Variants in EYS observed in about 807,000 individuals in gnomAD.
The protein encoded by EYS is protein eyes shut homolog.
Under a neutral mutation model 282.1 loss-of-function variants are expected in EYS, and 250 were observed. The observed-to-expected ratio is 0.89, with a 90% CI of 0.80 to 0.98. EYS has a LOEUF of 0.98. Among genes scored for constraint, EYS ranks in the 50% least tolerant of loss-of-function variants. EYS has a pLI of 0.00. For missense variants in EYS, 4,016 were observed against 3,709.0 expected (o/e 1.08, Z -2.15); for synonymous variants, 1,355 against 1,282.9 (o/e 1.06, Z -1.20).
At chr6:65,111,329 TTAAG>T (rs1775206755) in intron 12 of EYS, among the ~76,000 whole-genome samples, 1 of 152,190 alleles carries the variant, frequency 6.6e-6, no homozygotes. Flanking sequence ...CCTTAATTCT[TTAAG>T]TGTTTCTTAA....
chr6:64,966,670 G>T (rs181883164), intron 14 of EYS, among the ~76,000 whole-genome samples: 1 of 152,226 alleles, frequency 6.6e-6, no homozygotes, highest in East Asian at 1.9e-4. Flanking sequence ...AAAGACAACA[G>T]TGTAACATGG....
At chr6:64,045,436 T>A (rs866052650) in intron 33 of EYS, among the ~76,000 whole-genome samples, 31 of 130,944 alleles carry the variant, frequency 2.4e-4, no homozygotes, top group African/African-American at 8.2e-4. Context: ...TATTTTATTT[T>A]ATTTATTTTA....
intron 31 of EYS, among the ~76,000 whole-genome samples, chr6:64,100,310 C>T (rs113262838): frequency 0.029 from 4,469 of 152,102 alleles, 233 homozygotes; most frequent in African/African-American, 0.1. Context: ...TTTAATTCAC[C>T]TTTTAAAATT....
At chr6:64,882,163 T>A (rs1438754108) in intron 19 of EYS, among the ~76,000 whole-genome samples, 1 of 151,648 alleles carries the variant, frequency 6.6e-6, no homozygotes, top group South Asian at 2.1e-4. Context: ...AGTACCCAAA[T>A]ACCAGGGACA....
intron 35 of EYS, among the ~76,000 whole-genome samples, chr6:63,887,739 CA>C (rs1773301146): frequency 6.6e-6 from 1 of 150,554 alleles, no homozygotes; most frequent in African/African-American, 2.4e-5. Flanking sequence ...GCCGTTTGGG[CA>C]GCCACTGAGC....
chr6:64,730,593 C>T (rs1208257438), intron 22 of EYS, among the ~76,000 whole-genome samples: 2 of 152,152 alleles, frequency 1.3e-5, no homozygotes, highest in East Asian at 3.9e-4. Flanking sequence ...ATTCTCCTGC[C>T]TCAGCCTCCG....
intron 26 of EYS, among the ~76,000 whole-genome samples, chr6:64,469,271 T>C (rs1317867811): frequency 6.6e-6 from 1 of 152,212 alleles, no homozygotes; most frequent in South Asian, 2.1e-4. Flanking sequence ...ATAATAAAAC[T>C]AGGATGTGGG....
At chr6:65,455,999 GAAAA>G (rs1290775591) in intron 5 of EYS, among the ~76,000 whole-genome samples, 1 of 134,290 alleles carries the variant, frequency 7.4e-6, no homozygotes, top group Admixed American at 8.0e-5. Context: ...GAGAGAGAAA[GAAAA>G]AGAAAGAAAG....
intron 30 of EYS, among the ~76,000 whole-genome samples, chr6:64,252,915 T>C (rs1767269177): frequency 6.6e-6 from 1 of 152,148 alleles, no homozygotes; most frequent in South Asian, 2.1e-4. Flanking sequence ...CACTCCTCAT[T>C]GTATTCTGTG....
intron 26 of EYS, among the ~76,000 whole-genome samples, chr6:64,568,875 A>T (rs1053673279): frequency 9.2e-5 from 14 of 152,146 alleles, no homozygotes; most frequent in African/African-American, 3.4e-4. Flanking sequence ...TCCAGCAGAC[A>T]TGCAGCAGAG....
intron 2 of EYS, among the ~76,000 whole-genome samples, chr6:65,506,954 A>G (rs1247836586): frequency 6.6e-6 from 1 of 152,156 alleles, no homozygotes; most frequent in Non-Finnish European, 1.5e-5. Flanking sequence ...GGTTATCATT[A>G]TTACTTTGAA....
At chr6:64,291,808 T>A (rs1258932106) in intron 30 of EYS, among the ~76,000 whole-genome samples, 1 of 152,070 alleles carries the variant, frequency 6.6e-6, no homozygotes, top group Non-Finnish European at 1.5e-5. Context: ...AGGTAGGACA[T>A]TTGGATTTCT....
intron 13 of EYS, among the ~76,000 whole-genome samples, chr6:65,011,208 A>G (rs560172426): frequency 2.1e-3 from 313 of 152,306 alleles, no homozygotes; most frequent in African/African-American, 7.3e-3. Flanking sequence ...CAAACCTTTC[A>G]CTTAGGCATA....
At chr6:65,271,924 C>T (rs1310602895) in intron 12 of EYS, among the ~76,000 whole-genome samples, 1 of 152,142 alleles carries the variant, frequency 6.6e-6, no homozygotes, top group African/African-American at 2.4e-5. Context: ...AGACCATGAG[C>T]TCTACCTTCA....
chr6:64,590,369 G>T lies in EYS; in HGVS notation c.5498C>A (p.Thr1833Asn), dbSNP rs1467355711. 4 of 1,551,308 alleles carry T rather than the reference G, an allele frequency of 2.6e-6. No individual in the cohort carries two copies. Among genetic ancestry groups the T allele is most frequent in the Non-Finnish European group, 3.5e-6 (4 of 1,146,708 alleles). ...YMTSLKKEVK[T>N]SSEWSKWELQ... ...TTCCCATTTGGACCATTCTGAAGAA[G>T]TCTTGACCTCTTTTTTAAGAGAGGT... is the stretch of plus-strand genomic sequence containing the variant. Residue 1833 changes from threonine (T) to asparagine (N), a missense_variant, in exon 26 of 43, where the codon ACT becomes AAT. Coordinates refer to ENST00000503581, the MANE Select transcript of EYS (RefSeq NM_001142800.2).
intron 8 of EYS, among the ~76,000 whole-genome samples, chr6:65,361,660 T>C (rs1391855486): frequency 6.6e-6 from 1 of 152,014 alleles, no homozygotes; most frequent in East Asian, 1.9e-4. Flanking sequence ...TTTACATATT[T>C]TGTAGAAATG....
chr6:65,219,037 A>G (rs1276270184), intron 12 of EYS, among the ~76,000 whole-genome samples: 1 of 152,088 alleles, frequency 6.6e-6, no homozygotes, highest in Non-Finnish European at 1.5e-5. Context: ...TTTCTTTATT[A>G]TGATCTCAGC....
intron 26 of EYS, among the ~76,000 whole-genome samples, chr6:64,536,460 T>C (rs1359277037): frequency 6.6e-6 from 1 of 152,180 alleles, no homozygotes; most frequent in Admixed American, 6.5e-5. Context: ...TGGTTTAACA[T>C]TGAACCTCAA....
intron 29 of EYS, among the ~76,000 whole-genome samples, chr6:64,375,882 A>G (rs1352183648): frequency 3.3e-5 from 5 of 152,214 alleles, no homozygotes; most frequent in African/African-American, 1.2e-4. Flanking sequence ...TACCAAATCA[A>G]TGCAAGAGTA....
Sources: gnomAD v4.1 joint callset for allele counts (sites outside exome capture counted in the v4.1 genomes callset) on GRCh38, gnomAD v4.1.1 for gene constraint, MANE v1.5 for transcripts, NCBI Gene and HGNC (gene_info 2026-07-23, HGNC 2026-07-21) for gene names.